The following MYL1 variants were observed in gnomAD, a reference collection of about 807,000 sequenced individuals.
MYL1 encodes myosin light chain 1.
Under a neutral mutation model 21.8 loss-of-function variants are expected in MYL1, and 16 were observed. The ratio of observed to expected loss-of-function variants is 0.74; its 90% CI spans 0.50 to 1.12. The LOEUF is 1.12. MYL1 is among the 50% of genes most tolerant of loss of function. MYL1 has a pLI of 0.00. For synonymous variants in MYL1, 99 were observed against 85.2 expected, an observed-to-expected ratio of 1.16 and a Z score of -0.89; for missense variants, 246 against 241.0, an observed-to-expected ratio of 1.02 and a Z score of -0.14.
intron 1 of MYL1, among the ~76,000 whole-genome samples, chr2:210,309,333 G>T (rs1047498602): frequency 1.3e-5 from 2 of 151,928 alleles, no homozygotes; most frequent in African/African-American, 4.8e-5. Context: ...TTATAAACAG[G>T]AGACATATGC....
At chr2:210,298,694 G>T in intron 2 of MYL1, 131 bp from the exon 3 acceptor site, 1 of 997,232 alleles carries the variant, frequency 1.0e-6, no homozygotes, top group Non-Finnish European at 1.4e-6. Context: ...TTGTTATCCT[G>T]GATTCTCTTT....
At chr2:210,309,546 A>C (rs774210539) in intron 1 of MYL1, among the ~76,000 whole-genome samples, 4 of 152,080 alleles carry the variant, frequency 2.6e-5, no homozygotes, top group Middle Eastern at 3.4e-3. Flanking sequence ...TTATATTGTA[A>C]TTTTTGCCCT....
intron 1 of MYL1, among the ~76,000 whole-genome samples, chr2:210,310,177 A>C (rs552526916): frequency 7.2e-5 from 11 of 152,268 alleles, no homozygotes; most frequent in Admixed American, 3.3e-4. Flanking sequence ...AACTATTAAA[A>C]GGCCAGAGTA....
intron 1 of MYL1, among the ~76,000 whole-genome samples, chr2:210,308,494 T>C (rs1297153230): frequency 2.8e-5 from 4 of 144,008 alleles, no homozygotes; most frequent in East Asian, 4.1e-4. Flanking sequence ...ATTGAGAATA[T>C]GGTACCAGCC....
rs144673492 is a variant in MYL1 at position 210,313,861 on chromosome 2, T to C, written c.132+1050A>G. The stretch of plus-strand genomic sequence containing the variant: ...CAGCATCATAGTTACAAGTAAACAA[T>C]GGTAAATTGGCAAAATTGAGATTTA... On this transcript the variant is annotated intron_variant, in intron 1 of 6. Coordinates refer to ENST00000352451, the MANE Select transcript of MYL1 (RefSeq NM_079420.3). Among the ~76,000 whole-genome samples the C allele has an allele frequency of 6.0e-3, 907 of 152,174 alleles. 11 individuals carry two copies. The highest frequency in any genetic ancestry group is 0.021 in the African/African-American group (862 of 41,564).
chr2:210,309,854 A>G (rs184517379), intron 1 of MYL1, among the ~76,000 whole-genome samples: 35 of 152,226 alleles, frequency 2.3e-4, no homozygotes, highest in Non-Finnish European at 4.3e-4. Context: ...ATTTAGTTTT[A>G]CTTAAAAGTG....
Position 210,290,443 on chromosome 2 carries a change from C to G in MYL1, c.*39G>C, listed in dbSNP as rs1690058125. 1 of 152,098 alleles carries G rather than the reference C, an allele frequency of 6.6e-6. No individual in the cohort carries two copies. Among genetic ancestry groups the G allele is most frequent in the African/African-American group, 2.4e-5 (1 of 41,404 alleles). The allele number at this position is 152,098 out of a possible 1,614,324, so 9.4% of individuals were successfully genotyped here. ...GGGTGTGATTAAAATAAGTTTCCAGCCAGTCTTCCTAAACAATGCTTGTTC... is the reference window on the plus strand; with the variant it reads ...GGGTGTGATTAAAATAAGTTTCCAGGCAGTCTTCCTAAACAATGCTTGTTC... On this transcript the variant is annotated 3_prime_UTR_variant, in exon 7 of 7. Transcript: ENST00000352451.
intron 2 of MYL1, among the ~76,000 whole-genome samples, chr2:210,300,969 A>G (rs899192846): frequency 2.0e-5 from 3 of 152,176 alleles, no homozygotes; most frequent in Non-Finnish European, 4.4e-5. Context: ...GCCACAAAGA[A>G]AACAGTATAC....
At chr2:210,298,684 T>C in intron 2 of MYL1, 121 bp from the exon 3 acceptor site, 1 of 1,085,082 alleles carries the variant, frequency 9.2e-7, no homozygotes, top group Non-Finnish European at 1.3e-6. Context: ...ACTATGCAAG[T>C]TGTTATCCTG....
chr2:210,294,460 T>A, intron 3 of MYL1, 42 bp from the exon 4 acceptor site: 1 of 1,553,874 alleles, frequency 6.4e-7, no homozygotes, highest in Non-Finnish European at 8.8e-7. Context: ...GCTACCATAA[T>A]ACTAACTCTG....
Position 210,299,944 on chromosome 2 carries a change from A to G in MYL1, c.161-1381T>C, listed in dbSNP as rs535257141. 3.9e-5 allele frequency among the ~76,000 whole-genome samples: 6 copies of G among 152,338 alleles called. No individual in the cohort carries two copies. The East Asian group carries it at 1.2e-3, about 29-fold the overall frequency. ...CTATTCCTCCCTCCCCTAATCTAAC[A>G]TCGCACTGACATTATATTCACAATT... On this transcript the variant is annotated intron_variant, in intron 2 of 6. Coordinates refer to ENST00000352451, the MANE Select transcript of MYL1 (RefSeq NM_079420.3).
chr2:210,291,181 A>T (rs1419999539), intron 5 of MYL1, 107 bp from the exon 6 acceptor site: 3 of 862,106 alleles, frequency 3.5e-6, no homozygotes, highest in Non-Finnish European at 5.7e-6. Flanking sequence ...TAGCTGTAAC[A>T]ATAGTTTCTT....
At chr2:210,303,403 C>A (rs1690293515) in intron 1 of MYL1, 4 of 661,422 alleles carry the variant, frequency 6.0e-6, no homozygotes, top group Non-Finnish European at 9.4e-6. Flanking sequence ...CTCAACAAAA[C>A]CCAAAAGTAG....
chr2:210,313,798 GTTATA>G (rs951508662), intron 1 of MYL1, among the ~76,000 whole-genome samples: 11 of 152,008 alleles, frequency 7.2e-5, no homozygotes, highest in African/African-American at 2.7e-4. Context: ...AAATTCTATA[GTTATA>G]TTAAATGGTC....
intron 2 of MYL1, among the ~76,000 whole-genome samples, chr2:210,298,956 A>G (rs923768241): frequency 4.6e-5 from 7 of 152,190 alleles, no homozygotes; most frequent in African/African-American, 1.2e-4. Flanking sequence ...CAAATTTTCA[A>G]TCAGGCTCAT....
At chr2:210,297,030 T>C (rs1476900325) in intron 3 of MYL1, among the ~76,000 whole-genome samples, 1 of 148,566 alleles carries the variant, frequency 6.7e-6, no homozygotes, top group African/African-American at 2.5e-5. Context: ...TATATATATA[T>C]ATATATACAT....
intron 1 of MYL1, among the ~76,000 whole-genome samples, chr2:210,312,973 T>C (rs1690438887): frequency 6.6e-6 from 1 of 151,956 alleles, no homozygotes; most frequent in African/African-American, 2.4e-5. Flanking sequence ...CGAATGTCAA[T>C]ATGTCAATTT....
At chr2:210,294,123 A>G in intron 4 of MYL1, 122 bp downstream of exon 4, 1 of 1,066,430 alleles carries the variant, frequency 9.4e-7, no homozygotes, top group Non-Finnish European at 1.3e-6. Flanking sequence ...ACTTTTGACT[A>G]TTTTTTTTTC....
chr2:210,307,662 T>A (rs948678436), intron 1 of MYL1, among the ~76,000 whole-genome samples: 8 of 152,178 alleles, frequency 5.3e-5, no homozygotes, highest in African/African-American at 1.9e-4. Flanking sequence ...TTTTTATGAT[T>A]CGTGCTATCA....
Sources: gnomAD v4.1 joint callset for allele counts (sites outside exome capture counted in the v4.1 genomes callset) on GRCh38, gnomAD v4.1.1 for gene constraint, MANE v1.5 for transcripts, NCBI Gene and HGNC (gene_info 2026-07-23, HGNC 2026-07-21) for gene names.